Variants in EHD4 observed in about 807,000 individuals in gnomAD.
The protein encoded by EHD4 is EH domain containing 4, also known as EH domain-containing protein 4.
A neutral mutation model predicts 51.0 loss-of-function variants in EHD4; 37 were observed. The observed-to-expected ratio is 0.73, with a 90% confidence interval of 0.56 to 0.95. The LOEUF (loss-of-function observed/expected upper bound fraction) is 0.95. Among genes scored for constraint, EHD4 ranks in the 40% least tolerant of loss-of-function variants. The pLI, the probability that EHD4 is intolerant of heterozygous loss-of-function variation, is 0.00. For missense variants in EHD4, 632 were observed against 733.1 expected, an observed-to-expected ratio of 0.86 and a Z score of 1.59; for synonymous variants, 297 against 317.3, an observed-to-expected ratio of 0.94 and a Z score of 0.68.
intron 4 of EHD4, among the ~76,000 whole-genome samples, chr15:41,912,774 C>T (rs1567245155): frequency 6.6e-6 from 1 of 152,078 alleles, no homozygotes; most frequent in Non-Finnish European, 1.5e-5. Flanking sequence ...CTGGAAGTGA[C>T]CCCCCAATAT....
At chr15:41,904,377 C>T (rs901660921) in intron 5 of EHD4, among the ~76,000 whole-genome samples, 19 of 152,098 alleles carry the variant, frequency 1.2e-4, no homozygotes, top group Non-Finnish European at 2.1e-4. Flanking sequence ...CAGGCTTGAC[C>T]GGGGACTGCG....
At chr15:41,943,210 G>C in intron 2 of EHD4, 46 bp from the exon 3 acceptor site, 3 of 1,485,348 alleles carry the variant, frequency 2.0e-6, no homozygotes, top group Non-Finnish European at 2.8e-6. Flanking sequence ...GGGCATCACA[G>C]AGTGCTCCAA....
chr15:41,918,037 A>G (rs1399439235), intron 4 of EHD4, among the ~76,000 whole-genome samples: 1 of 152,148 alleles, frequency 6.6e-6, no homozygotes, highest in Non-Finnish European at 1.5e-5. Context: ...CAGTGAGCAC[A>G]CTGGCACGAG....
intron 3 of EHD4, among the ~76,000 whole-genome samples, chr15:41,932,105 G>T (rs1253505371): frequency 1.3e-5 from 2 of 152,126 alleles, no homozygotes; most frequent in Non-Finnish European, 2.9e-5. Context: ...GGCACTGTTT[G>T]TAACGGCAAA....
At chr15:41,919,972 A>T (rs2067614157) in intron 3 of EHD4, among the ~76,000 whole-genome samples, 1 of 152,222 alleles carries the variant, frequency 6.6e-6, no homozygotes, top group African/African-American at 2.4e-5. Context: ...TTTTATAAAA[A>T]CACAGGCCAT....
In EHD4 at chr15:41,898,275, G is replaced by C. The variant is rs2067452784; in HGVS notation, c.*2370C>G. ...TGCCTGAGAGGTTTTCCTCCACGGAGAAATCAGAGACCTCAACCTGCTGCC... is the reference window on the plus strand; with the variant it reads ...TGCCTGAGAGGTTTTCCTCCACGGACAAATCAGAGACCTCAACCTGCTGCC... On this transcript the variant is annotated 3_prime_UTR_variant, in exon 6 of 6. Coordinates refer to ENST00000220325, the MANE Select transcript of EHD4 (RefSeq NM_139265.4). The C allele has an allele frequency of 6.6e-6, 1 of 152,172 alleles. No homozygotes were observed. Among genetic ancestry groups the C allele is most frequent in the Non-Finnish European group, 1.5e-5 (1 of 68,044 alleles). The allele number at this position is 152,172 out of a possible 1,614,324, so 9.4% of individuals were successfully genotyped here.
chr15:41,908,534 T>G (rs1595530401), intron 5 of EHD4: 1 of 152,230 alleles, frequency 6.6e-6, no homozygotes, highest in Admixed American at 6.5e-5. Context: ...GGTCTCTGTG[T>G]GCAGCCCATA....
chr15:41,903,063 T>G (rs16972234), intron 5 of EHD4, among the ~76,000 whole-genome samples: 11,255 of 151,808 alleles, frequency 0.074, 481 homozygotes, highest in African/African-American at 0.1. Flanking sequence ...TTCAAAGATC[T>G]GATGAAAAGT....
intron 4 of EHD4, among the ~76,000 whole-genome samples, chr15:41,912,942 A>G (rs2067559752): frequency 6.6e-6 from 1 of 152,176 alleles, no homozygotes; most frequent in African/African-American, 2.4e-5. Context: ...ATGCATTAAT[A>G]ATCTTACTGA....
chr15:41,934,317 T>G (rs992077231), intron 3 of EHD4, among the ~76,000 whole-genome samples: 16 of 151,474 alleles, frequency 1.1e-4, no homozygotes, highest in African/African-American at 3.6e-4. Context: ...AAGTTTTTTT[T>G]TTTTTTTTTC....
chr15:41,902,613 A>G (rs1053056845), intron 5 of EHD4, among the ~76,000 whole-genome samples: 1 of 152,088 alleles, frequency 6.6e-6, no homozygotes, highest in African/African-American at 2.4e-5. Context: ...CCAAGTCATT[A>G]AAAGGGAGAG....
chr15:41,955,588 G>A (rs1445370139), intron 1 of EHD4, among the ~76,000 whole-genome samples: 3 of 152,162 alleles, frequency 2.0e-5, no homozygotes, highest in African/African-American at 7.2e-5. Context: ...GGCTCAGGAG[G>A]TGCTACCGTT....
At chr15:41,926,913 G>A (rs1303063437) in intron 3 of EHD4, among the ~76,000 whole-genome samples, 1 of 152,114 alleles carries the variant, frequency 6.6e-6, no homozygotes, top group African/African-American at 2.4e-5. Flanking sequence ...TTTCCTCCAG[G>A]TGGCCTTCCC....
At chr15:41,935,633 G>A (rs1250201104) in intron 3 of EHD4, among the ~76,000 whole-genome samples, 1 of 152,186 alleles carries the variant, frequency 6.6e-6, no homozygotes, top group East Asian at 1.9e-4. Flanking sequence ...GCTGTATTTT[G>A]CCCTGGTTTG....
intron 3 of EHD4, among the ~76,000 whole-genome samples, chr15:41,924,520 T>A (rs2067648535): frequency 6.6e-6 from 1 of 152,194 alleles, no homozygotes; most frequent in African/African-American, 2.4e-5. Flanking sequence ...CCTAGAAAGC[T>A]GTCCAAAATG....
In EHD4 at chr15:41,949,782, A is replaced by ACACATTACC. The variant is rs1348340739; in HGVS notation, c.413+3973_413+3981dup. Among the ~76,000 whole-genome samples the ACACATTACC allele has an allele frequency of 5.3e-5, 8 of 152,344 alleles. No individual in the cohort carries two copies. In the East Asian group the frequency reaches 1.2e-3, roughly 22 times the overall value. ...TACAGCTATCTGAATTTGAAAATAT[A>ACACATTACC]CACATTACCATTTTTTAGAAAAGGA... On this transcript the variant is annotated intron_variant, in intron 2 of 5. Coordinates refer to ENST00000220325, the MANE Select transcript of EHD4 (RefSeq NM_139265.4).
chr15:41,907,573 G>C (rs901940552), intron 5 of EHD4, among the ~76,000 whole-genome samples: 3 of 152,160 alleles, frequency 2.0e-5, no homozygotes, highest in Non-Finnish European at 2.9e-5. Flanking sequence ...TGGCTGGAGT[G>C]CAGTGGTGCG....
intron 2 of EHD4, among the ~76,000 whole-genome samples, chr15:41,949,099 G>A: frequency 6.8e-6 from 1 of 146,052 alleles, no homozygotes; most frequent in South Asian, 2.2e-4. Context: ...GCCAGGCATG[G>A]TGGCTCATGC....
chr15:41,934,312 T>TG (rs1426535841), intron 3 of EHD4, among the ~76,000 whole-genome samples: 2 of 49,706 alleles, frequency 4.0e-5, no homozygotes, highest in African/African-American at 8.6e-5. Flanking sequence ...CCAGGAAGTT[T>TG]TTTTTTTTTT....
Sources: allele counts gnomAD v4.1 joint callset (sites outside exome capture counted in the v4.1 genomes callset), GRCh38; gene constraint gnomAD v4.1.1; transcripts MANE v1.5; gene names NCBI Gene and HGNC (gene_info 2026-07-23, HGNC 2026-07-21).